The following PDLIM2 variants were observed in gnomAD, a reference collection of about 807,000 sequenced individuals.
The protein encoded by PDLIM2 is PDZ and LIM domain 2, also known as PDZ and LIM domain protein 2.
A neutral mutation model predicts 54.1 loss-of-function variants in PDLIM2; 51 were observed. That is an observed-to-expected ratio of 0.94 (90% CI 0.75 to 1.19). The LOEUF (loss-of-function observed/expected upper bound fraction) is 1.19, where lower values mean the gene tolerates loss of function less well. PDLIM2 is among the 50% of genes most tolerant of loss of function. PDLIM2 has a pLI of 0.00. For missense variants in PDLIM2, 912 were observed against 874.0 expected (o/e 1.04, Z -0.55); for synonymous variants, 398 against 385.6 (o/e 1.03, Z -0.38).
chr8:22,591,563 C>A (rs1465723868), exon 9 of PDLIM2: 1 of 1,613,664 alleles, frequency 6.2e-7, no homozygotes, highest in South Asian at 1.1e-5. Context: ...GGCACGCCAG[C>A]CTTCTTGCCC....
At chr8:22,589,783 C>T in intron 8 of PDLIM2, 42 bp downstream of exon 7, 3 of 1,550,380 alleles carry the variant, frequency 1.9e-6, no homozygotes, top group Non-Finnish European at 2.6e-6. Flanking sequence ...AGGTTCCCTT[C>T]CGTACCCCGG....
rs930305175 is a variant in PDLIM2 at position 22,579,291 on chromosome 8, C to T, written c.512C>T (p.Pro171Leu). The stretch of plus-strand genomic sequence containing the variant: ...CCCGGCGCCGGGCTCCTCTCCGCGC[C>T]CCTGTCGGCGCGGAACCCTGGCCTC... Residue 171 changes from proline to leucine, a missense_variant, in exon 1 of 10, where the codon CCC becomes CTC. By Grantham distance (98) the Pro-to-Leu change is moderately conservative. Transcript: ENST00000308354. 69 of 1,385,200 alleles carry T rather than the reference C, an allele frequency of 5.0e-5. No homozygotes were observed. The highest frequency in any genetic ancestry group is 6.4e-5 in the Non-Finnish European group (69 of 1,077,864). 85.8% of individuals were successfully genotyped at this position (1,385,200 alleles called of 1,614,324 possible).
At chr8:22,591,590 A>T in exon 9 of PDLIM2, 1 of 1,613,570 alleles carries the variant, frequency 6.2e-7, no homozygotes, top group South Asian at 1.1e-5. Context: ...CTGAGCCCCC[A>T]GTCCTCCCTG....
chr8:22,589,876 G>C, intron 8 of PDLIM2, 135 bp downstream of exon 7: 1 of 1,276,734 alleles, frequency 7.8e-7, no homozygotes, highest in Non-Finnish European at 1.1e-6. Context: ...GAGCCGAGCA[G>C]AGCGCGAAGC....
At chr8:22,594,602 C>T (rs200623476), downstream of PDLIM2, 54 of 1,613,868 alleles carry the variant, frequency 3.3e-5, no homozygotes, top group Admixed American at 2.0e-4. Context: ...GGGCGCCAAG[C>T]GGAGGGACAG....
In PDLIM2 at chr8:22,579,191, TGGGCGCCCAGCCGGACA is replaced by T. The variant is rs1319303707; in HGVS notation, c.415_431del (p.Ala139Ter). On this transcript the variant is annotated frameshift_variant, in exon 1 of 10. Transcript: ENST00000308354. LOFTEE classifies it high-confidence loss of function. ...CCCCGCCTTCCCTCCCTCCCGGGCC[TGGGCGCCCAGCCGGACA>T]GGTGAGCGGCAGCCAGGTGAGCGCG... 7.2e-7 allele frequency: 1 copy of T among 1,384,320 alleles called. No homozygotes were observed. Among genetic ancestry groups the T allele is most frequent in the East Asian group, 3.1e-5 (1 of 32,308 alleles). 85.8% of individuals were successfully genotyped at this position (1,384,320 alleles called of 1,614,324 possible). A position where few individuals can be genotyped will look rare whatever the true frequency, so the allele number is the denominator to read the frequency against.
chr8:22,593,449 TGCTTG>T, intron 9 of PDLIM2: 3 of 386,922 alleles, frequency 7.8e-6, no homozygotes, highest in Admixed American at 8.4e-5. Flanking sequence ...TGGTCGCACA[TGCTTG>T]TAATCCCAGC....
intron 9 of PDLIM2, 96 bp downstream of exon 8, chr8:22,591,764 G>C (rs1450898703): frequency 8.4e-7 from 1 of 1,186,680 alleles, no homozygotes; most frequent in South Asian, 1.5e-5. Context: ...GGGCCCATCA[G>C]GGGCTAGCAC....
exon 10 of PDLIM2, chr8:22,593,971 A>G: frequency 6.6e-7 from 1 of 1,512,390 alleles, no homozygotes; most frequent in Admixed American, 2.0e-5. Flanking sequence ...ATAAGTTGGC[A>G]TGGCAGGGAC....
chr8:22,580,881 A>G, intron 2 of PDLIM2, 184 bp downstream of exon 1: 1 of 753,446 alleles, frequency 1.3e-6, no homozygotes, highest in African/African-American at 1.7e-5. Flanking sequence ...CACTTCAGGA[A>G]CAGACCTTGG....
intron 2 of PDLIM2, 123 bp downstream of exon 1, chr8:22,580,820 G>A (rs1800171736): frequency 2.7e-6 from 3 of 1,105,616 alleles, no homozygotes; most frequent in Admixed American, 4.1e-5. Context: ...CTGCTGCCTG[G>A]CGTGCTGGCT....
intron 4 of PDLIM2, 35 bp downstream of exon 3, chr8:22,584,925 C>A (rs764023635): frequency 5.6e-6 from 9 of 1,613,904 alleles, no homozygotes; most frequent in Middle Eastern, 1.6e-4. Flanking sequence ...GCCTCAGCAC[C>A]CTGATCACTG....
chr8:22,591,719 G>C (rs748320857), intron 9 of PDLIM2, 51 bp downstream of exon 8: 80 of 1,512,728 alleles, frequency 5.3e-5, no homozygotes, highest in Non-Finnish European at 5.9e-5. Flanking sequence ...GGAGTGGGGA[G>C]GGGGACAGGG....
At position 22,579,503 on chromosome 8, in the gene PDLIM2, G is replaced by C. The variant is rs771968301; in HGVS notation, c.724G>C (p.Ala242Pro). 9 of 1,509,496 alleles carry C rather than the reference G, an allele frequency of 6.0e-6. No individual in the cohort carries two copies. The Admixed American group carries it at 1.2e-4, about 21-fold the overall frequency. 93.5% of individuals were successfully genotyped at this position (1,509,496 alleles called of 1,614,324 possible). Residue 242 changes from alanine to proline, a missense_variant, in exon 1 of 10, where the codon GCG becomes CCG. Coordinates refer to ENST00000308354, the Ensembl canonical transcript of PDLIM2. The stretch of plus-strand genomic sequence containing the variant: ...GGCACCTCCCCGCGGCGCCCGCAGC[G>C]CGGAGTCCACTGACCGGCTCAAAGG...
At chr8:22,597,703 C>G (rs1238538128), downstream of PDLIM2, 1 of 152,478 alleles carries the variant, frequency 6.6e-6, no homozygotes, top group Non-Finnish European at 1.5e-5. Flanking sequence ...GGGCTCCCTC[C>G]TACCCAGGGA....
rs1281925527 is a variant in PDLIM2 at position 22,585,007 on chromosome 8, C to G, written c.1066-10C>G. ...CCCTGCCTTTCCTGACACAGTCACT[C>G]TCTCCACAGGGCTCCGTGAGGACAT... On this transcript the variant is annotated splice_polypyrimidine_tract_variant and intron_variant, in intron 4 of 9. Transcript: ENST00000308354. 2.5e-6 allele frequency: 4 copies of G among 1,613,514 alleles called. No homozygotes were observed. In the Admixed American group the frequency reaches 5.0e-5, roughly 20 times the overall value.
At chr8:22,587,431 C>T (rs1193318488) in intron 6 of PDLIM2, among the ~76,000 whole-genome samples, 1 of 152,066 alleles carries the variant, frequency 6.6e-6, no homozygotes, top group African/African-American at 2.4e-5. Context: ...AGAAAGAAAC[C>T]CACTTAATTT....
chr8:22,594,698 C>T (rs377479523), downstream of PDLIM2: 59 of 1,572,076 alleles, frequency 3.8e-5, no homozygotes, highest in African/African-American at 6.8e-5. Context: ...GTTGGGCCCC[C>T]GGGGCCAGGT....
At chr8:22,587,127 C>T (rs1358349889) in intron 6 of PDLIM2, among the ~76,000 whole-genome samples, 1 of 152,190 alleles carries the variant, frequency 6.6e-6, no homozygotes, top group African/African-American at 2.4e-5. Flanking sequence ...GGGATGCAAT[C>T]GTGGAAAAAC....
Sources: allele counts gnomAD v4.1 joint callset (sites outside exome capture counted in the v4.1 genomes callset), GRCh38; gene constraint gnomAD v4.1.1; transcripts MANE v1.5; gene names NCBI Gene and HGNC (gene_info 2026-07-23, HGNC 2026-07-21).